The following AGBL1 variants were observed in gnomAD, a reference collection of about 807,000 sequenced individuals.
AGBL1 encodes cytosolic carboxypeptidase 4.
Under a neutral mutation model 118.9 loss-of-function variants are expected in AGBL1, and 130 were observed. That is an observed-to-expected ratio of 1.09 (90% CI 0.95 to 1.26). The LOEUF (loss-of-function observed/expected upper bound fraction) is 1.26, where lower values mean the gene tolerates loss of function less well. Ranked by LOEUF, AGBL1 falls within the 50% of genes most tolerant of loss-of-function variation. The pLI is 0.00. For missense variants in AGBL1, 1,584 were observed against 1,298.1 expected (o/e 1.22, Z -3.38); for synonymous variants, 555 against 478.9 (o/e 1.16, Z -2.08).
At chr15:86,916,947 C>T (rs543740596), downstream of AGBL1, among the ~76,000 whole-genome samples, 7 of 152,078 alleles carry the variant, frequency 4.6e-5, no homozygotes, top group Non-Finnish European at 1.0e-4. Flanking sequence ...TAAAAGCTTC[C>T]GAAATCAGGG....
rs546428602 is a variant in AGBL1 at position 86,570,566 on chromosome 15, A to T, written c.2994+16029A>T. Among the ~76,000 whole-genome samples the T allele has an allele frequency of 3.9e-5, 6 of 152,194 alleles. No individual in the cohort carries two copies. The East Asian group carries it at 9.6e-4, about 24-fold the overall frequency. On this transcript the variant is annotated intron_variant, in intron 21 of 22. Transcript: ENST00000614907. ...AAATATGGGTGTTCCCCGAACTGTC[A>T]TGGTGTCCATGAGTGTTAATATGTT...
intron 21 of AGBL1, among the ~76,000 whole-genome samples, chr15:86,559,177 C>T (rs139249044): frequency 6.6e-6 from 1 of 152,122 alleles, no homozygotes; most frequent in African/African-American, 2.4e-5. Flanking sequence ...GGAATAAGAG[C>T]CCACCTTACT....
chr15:86,714,009 GAGA>G (rs373410371), intron 22 of AGBL1, among the ~76,000 whole-genome samples: 109 of 152,318 alleles, frequency 7.2e-4, no homozygotes, highest in African/African-American at 2.4e-3. Flanking sequence ...GGCAACAGGA[GAGA>G]AGAATAACCT....
intron 17 of AGBL1, among the ~76,000 whole-genome samples, chr15:86,314,920 G>C (rs1219907438): frequency 6.6e-6 from 1 of 152,130 alleles, no homozygotes; most frequent in Non-Finnish European, 1.5e-5. Flanking sequence ...TGGAAATCTC[G>C]ATTTTCTGAA....
intron 9 of AGBL1, among the ~76,000 whole-genome samples, chr15:86,260,269 GGCCTTTAACCTGT>G (rs2078962126): frequency 6.6e-6 from 1 of 152,228 alleles, no homozygotes; most frequent in Non-Finnish European, 1.5e-5. Flanking sequence ...CACTGATCCA[GGCCTTTAACCTGT>G]GGCCTTCCCA....
chr15:86,695,873 G>A (rs7178311), intron 22 of AGBL1, among the ~76,000 whole-genome samples: 18,027 of 151,894 alleles, frequency 0.12, 1,246 homozygotes, highest in African/African-American at 0.19. Context: ...TCTTGAGCAG[G>A]TTATTTAATT....
intron 18 of AGBL1, among the ~76,000 whole-genome samples, chr15:86,468,008 A>G (rs955910663): frequency 1.3e-5 from 2 of 152,000 alleles, no homozygotes; most frequent in African/African-American, 4.8e-5. Context: ...TTCTTTTACT[A>G]GCATGTTTCT....
chr15:86,681,281 G>A (rs947437371), intron 22 of AGBL1, among the ~76,000 whole-genome samples: 4 of 152,058 alleles, frequency 2.6e-5, no homozygotes, highest in South Asian at 2.1e-4. Context: ...TTTAATTTTG[G>A]TGACTTTACA....
intron 21 of AGBL1, among the ~76,000 whole-genome samples, chr15:86,586,760 G>T (rs2084254550): frequency 1.3e-5 from 2 of 152,162 alleles, no homozygotes; most frequent in African/African-American, 4.8e-5. Flanking sequence ...GAGCTTATAA[G>T]TCATAGGAAG....
Position 86,765,734 on chromosome 15 carries a change from C to T in AGBL1, c.3158+91298C>T, listed in dbSNP as rs559347366. ...ATTTTTAAAAACATCTCTGTCATGG[C>T]AGTGTAGATGTTATCTTATTGGAGT... On this transcript the variant is annotated intron_variant, in intron 22 of 22. Coordinates refer to ENST00000614907, the MANE Select transcript of AGBL1 (RefSeq NM_001386094.1). Among the ~76,000 whole-genome samples, 5 of 151,890 alleles carry T rather than the reference C, an allele frequency of 3.3e-5. No individual in the cohort carries two copies. The South Asian group carries it at 1.0e-3, about 31-fold the overall frequency.
intron 18 of AGBL1, among the ~76,000 whole-genome samples, chr15:86,430,873 T>C (rs1387781277): frequency 6.6e-6 from 1 of 152,228 alleles, no homozygotes; most frequent in East Asian, 1.9e-4. Context: ...TTGTTTACTA[T>C]GTAACAATAA....
At chr15:86,966,268 T>C (rs1412703444) in intron 23 of AGBL1, among the ~76,000 whole-genome samples, 1 of 148,920 alleles carries the variant, frequency 6.7e-6, no homozygotes, top group Admixed American at 6.7e-5. Context: ...AGGTGTGGGA[T>C]TGAACCATTT....
In AGBL1 at chr15:86,148,315, T is replaced by C. The variant is rs533022895; in HGVS notation, c.262+4470T>C. Among the ~76,000 whole-genome samples the C allele has an allele frequency of 4.6e-5, 7 of 152,174 alleles. No homozygotes were observed. The East Asian group carries it at 9.7e-4, about 21-fold the overall frequency. ...ACAGAAATGGGCTTCAAAAGGTCGG[T>C]AATAACAAACTTTTCTGAGGTAAAG... On this transcript the variant is annotated intron_variant, in intron 3 of 22. Transcript: ENST00000614907.
At chr15:86,590,091 C>T (rs986098379) in intron 21 of AGBL1, among the ~76,000 whole-genome samples, 50 of 152,162 alleles carry the variant, frequency 3.3e-4, no homozygotes, top group African/African-American at 1.2e-3. Flanking sequence ...TGATTGGCCT[C>T]CCCAGTGGGC....
At chr15:86,970,195 C>T (rs560227001) in intron 23 of AGBL1, among the ~76,000 whole-genome samples, 8 of 151,952 alleles carry the variant, frequency 5.3e-5, no homozygotes, top group African/African-American at 1.7e-4. Context: ...TTCCAGCCCT[C>T]AGAACAACCC....
At chr15:86,181,669 C>T (rs2077554686) in intron 5 of AGBL1, among the ~76,000 whole-genome samples, 1 of 151,864 alleles carries the variant, frequency 6.6e-6, no homozygotes, top group Non-Finnish European at 1.5e-5. Flanking sequence ...TAACTTATTG[C>T]ATGCCAATAA....
intron 22 of AGBL1, among the ~76,000 whole-genome samples, chr15:86,680,565 C>CTTTTTTTTTTTTTTTTTTTTTTTTTT (rs34873609): frequency 2.1e-4 from 20 of 94,682 alleles, no homozygotes; most frequent in South Asian, 3.9e-4. Context: ...TCTTTCTTTT[C>CTTTTTTTTTTTTTTTTTTTTTTTTTT]TTTTTTTTTT....
intron 4 of AGBL1, among the ~76,000 whole-genome samples, chr15:86,155,735 G>C (rs890711005): frequency 6.6e-6 from 1 of 152,066 alleles, no homozygotes; most frequent in Non-Finnish European, 1.5e-5. Flanking sequence ...TTTGACTGTG[G>C]TTCTTTTTTT....
chr15:86,940,916 T>C (rs573190267), intron 23 of AGBL1, among the ~76,000 whole-genome samples: 1 of 152,238 alleles, frequency 6.6e-6, no homozygotes, highest in Non-Finnish European at 1.5e-5. Context: ...CTGCTCTGCC[T>C]ATAAAACCAA....
Sources: gnomAD v4.1 joint callset for allele counts (sites outside exome capture counted in the v4.1 genomes callset) on GRCh38, gnomAD v4.1.1 for gene constraint, MANE v1.5 for transcripts, NCBI Gene and HGNC (gene_info 2026-07-23, HGNC 2026-07-21) for gene names.